The following MAP7D2 variants were observed in gnomAD, a reference collection of about 807,000 sequenced individuals.
MAP7D2 encodes the protein MAP7 domain containing 2, also known as MAP7 domain-containing protein 2.
A neutral mutation model predicts 63.5 loss-of-function variants in MAP7D2; 33 were observed. The observed-to-expected ratio is 0.52, with a 90% CI of 0.39 to 0.70. The LOEUF (loss-of-function observed/expected upper bound fraction) is 0.70, where lower values mean the gene tolerates loss of function less well. Ranked by LOEUF, MAP7D2 falls within the 30% of genes least tolerant of loss-of-function variation. The pLI is 0.00. For missense variants in MAP7D2, 626 were observed against 604.0 expected, an observed-to-expected ratio of 1.04 and a Z score of -0.38; for synonymous variants, 224 against 223.7, an observed-to-expected ratio of 1.00 and a Z score of -0.01.
In MAP7D2 at chrX:20,094,563, T is replaced by TAC. The variant is rs2066199649; in HGVS notation, c.130+22186_130+22187insGT. On this transcript the variant is annotated intron_variant, in intron 1 of 16. Coordinates refer to ENST00000379643, the MANE Select transcript of MAP7D2 (RefSeq NM_001168465.2). The stretch of plus-strand genomic sequence containing the variant: ...ATATGTATATATATATATATATATA[T>TAC]ATATACATATATATGTATATATATA... Among the ~76,000 whole-genome samples the TAC allele has an allele frequency of 1.4e-4, 2 of 14,341 alleles. 1 individual carries two copies. Among genetic ancestry groups the TAC allele is most frequent in the Non-Finnish European group, 2.1e-4 (2 of 9,607 alleles). The allele number at this position is 14,341 out of a possible 115,157, so 12.5% of individuals were successfully genotyped here.
In MAP7D2 at chrX:20,088,480, T is replaced by G. The variant is rs1474288029; in HGVS notation, c.131-23675A>C. Among the ~76,000 whole-genome samples, 53 of 29,367 alleles carry G rather than the reference T, an allele frequency of 1.8e-3. No homozygotes were observed. In the East Asian group the frequency reaches 0.02, roughly 11 times the overall value. 25.5% of individuals were successfully genotyped at this position (29,367 alleles called of 115,157 possible). The stretch of plus-strand genomic sequence containing the variant: ...CAGCTAATTTTCAGTTTTTTTTTTT[T>G]TTTTTTTTTTTTTTTTTTTTTTTTT... On this transcript the variant is annotated intron_variant, in intron 1 of 16. Coordinates refer to ENST00000379643, the MANE Select transcript of MAP7D2 (RefSeq NM_001168465.2).
At chrX:20,067,047 A>G (rs1006796179) in intron 1 of MAP7D2, among the ~76,000 whole-genome samples, 2 of 112,462 alleles carry the variant, frequency 1.8e-5, no homozygotes, top group East Asian at 5.6e-4. Context: ...AGTCTGATTA[A>G]TAAGAATTAG....
At chrX:20,041,897 G>A (rs2148273902) in intron 8 of MAP7D2, among the ~76,000 whole-genome samples, 1 of 111,606 alleles carries the variant, frequency 9.0e-6, no homozygotes, top group Admixed American at 9.6e-5. Flanking sequence ...GTGTTATGGT[G>A]CATGGGCATA....
intron 1 of MAP7D2, among the ~76,000 whole-genome samples, chrX:20,091,349 G>A (rs186058682): frequency 2.8e-4 from 29 of 105,327 alleles, no homozygotes; most frequent in African/African-American, 8.9e-4. Flanking sequence ...CACCGTGCCC[G>A]GCCCAGAACA....
At chrX:20,017,965 CTT>C (rs141142969) in intron 10 of MAP7D2, among the ~76,000 whole-genome samples, 19,200 of 85,152 alleles carry the variant, frequency 0.23, 2,444 homozygotes, top group African/African-American at 0.47. Context: ...AATCCATTCT[CTT>C]TTTTTTTTTT....
At position 20,025,725 on chromosome X, in the gene MAP7D2, T is replaced by C; in HGVS notation, c.1235A>G (p.Glu412Gly). Residue 412 changes from glutamate (E) to glycine (G), a missense_variant, in exon 9 of 17, where the codon GAG (glutamate) becomes GGG (glycine). By Grantham distance (98) the Glu-to-Gly change is moderately conservative (BLOSUM62 -2). Transcript: ENST00000379643. ...CCCTCCTGCGGCAGCAGCATGCTTC[T>C]CGCTGGCATGCTTGTCCACTACATG... The part of the protein sequence containing the change: ...EKHVVDKHAS[E>G]KHAAAAGGKA... The C allele has an allele frequency of 1.7e-6, 2 of 1,211,859 alleles. No individual in the cohort carries two copies. The highest frequency in any genetic ancestry group is 1.1e-6 in the Non-Finnish European group (1 of 895,444).
chrX:20,051,028 G>A, intron 5 of MAP7D2, 82 bp from the exon 6 acceptor site: 6 of 820,706 alleles, frequency 7.3e-6, no homozygotes, highest in South Asian at 4.0e-5. Flanking sequence ...CACAATGCAT[G>A]GTGCAAATTA....
At chrX:20,106,663 A>G (rs184003930) in intron 1 of MAP7D2, among the ~76,000 whole-genome samples, 3 of 112,606 alleles carry the variant, frequency 2.7e-5, no homozygotes, top group African/African-American at 3.2e-5. Flanking sequence ...ATGGAGACAC[A>G]CTAGAAGTGT....
intron 4 of MAP7D2, among the ~76,000 whole-genome samples, chrX:20,054,958 C>T (rs1008194433): frequency 3.6e-5 from 4 of 112,194 alleles, no homozygotes; most frequent in South Asian, 3.7e-4. Flanking sequence ...ACTGCTGTTA[C>T]GAAGCACCCC....
chrX:20,080,261 C>T lies in MAP7D2; in HGVS notation c.131-15456G>A, dbSNP rs183748845. Reference sequence around the variant, plus strand: ...TGAGGTCTGTCCTCCCAGCCTTCTTCCCTGTGCGGTGGTTGCAAGATCATC... The same window carrying T: ...TGAGGTCTGTCCTCCCAGCCTTCTTTCCTGTGCGGTGGTTGCAAGATCATC... On this transcript the variant is annotated intron_variant, in intron 1 of 16. Transcript: ENST00000379643. Among the ~76,000 whole-genome samples, 472 of 110,756 alleles carry T rather than the reference C, an allele frequency of 4.3e-3. 2 individuals are homozygous for T. The highest frequency in any genetic ancestry group is 6.9e-3 in the Non-Finnish European group (364 of 53,001).
chrX:20,110,022 T>C (rs1217630100), intron 1 of MAP7D2, among the ~76,000 whole-genome samples: 1 of 106,618 alleles, frequency 9.4e-6, no homozygotes, highest in African/African-American at 3.4e-5. Context: ...GGCAAGAGGG[T>C]GAGACTCCAT....
chrX:20,076,397 G>C (rs1207880662), intron 1 of MAP7D2, among the ~76,000 whole-genome samples: 1 of 111,552 alleles, frequency 9.0e-6, no homozygotes. Context: ...ACATCCAAAA[G>C]GTATAGACAA....
intron 4 of MAP7D2, among the ~76,000 whole-genome samples, chrX:20,056,247 T>C (rs912406716): frequency 4.5e-5 from 5 of 111,977 alleles, no homozygotes; most frequent in Non-Finnish European, 9.4e-5. Flanking sequence ...GCAACAAAAA[T>C]TTAAAATGCA....
intron 1 of MAP7D2, among the ~76,000 whole-genome samples, chrX:20,085,494 G>T (rs994738857): frequency 8.9e-6 from 1 of 111,883 alleles, no homozygotes; most frequent in Non-Finnish European, 1.9e-5. Context: ...AAGGAAGGAC[G>T]TCTGTGTTCC....
intron 1 of MAP7D2, among the ~76,000 whole-genome samples, chrX:20,103,625 T>C (rs752576486): frequency 1.2e-4 from 13 of 112,393 alleles, no homozygotes; most frequent in African/African-American, 3.6e-4. Flanking sequence ...AGTCAACAGC[T>C]AGTTAATTGT....
At chrX:20,068,058 C>T (rs1237162539) in intron 1 of MAP7D2, among the ~76,000 whole-genome samples, 1 of 112,173 alleles carries the variant, frequency 8.9e-6, no homozygotes, top group Non-Finnish European at 1.9e-5. Flanking sequence ...CTTGCTCATG[C>T]CACAATGCAT....
chrX:20,026,460 T>C (rs1399035311), intron 8 of MAP7D2, among the ~76,000 whole-genome samples: 2 of 111,948 alleles, frequency 1.8e-5, no homozygotes, highest in East Asian at 2.8e-4. Context: ...CCTGTCTCTG[T>C]GAATGTGCCT....
At chrX:20,044,279 C>G in intron 7 of MAP7D2, 85 bp downstream of exon 7, 1 of 961,780 alleles carries the variant, frequency 1.0e-6, no homozygotes, top group Non-Finnish European at 1.4e-6. Flanking sequence ...TGGAAACAGA[C>G]AGCCCAGGTC....
intron 1 of MAP7D2, among the ~76,000 whole-genome samples, chrX:20,103,784 T>A (rs1216094257): frequency 8.9e-6 from 1 of 112,223 alleles, no homozygotes; most frequent in Non-Finnish European, 1.9e-5. Flanking sequence ...CTAGAACATT[T>A]CCAACATCAC....
Sources: gnomAD v4.1 joint callset for allele counts (sites outside exome capture counted in the v4.1 genomes callset) on GRCh38, gnomAD v4.1.1 for gene constraint, MANE v1.5 for transcripts, NCBI Gene and HGNC (gene_info 2026-07-23, HGNC 2026-07-21) for gene names.